The following HRC variants were observed in gnomAD, a reference collection of about 807,000 sequenced individuals.
HRC encodes the protein sarcoplasmic reticulum histidine-rich calcium-binding protein.
In HRC, 41 loss-of-function variants were observed where a neutral mutation model predicts 61.4. The ratio of observed to expected loss-of-function variants is 0.67; its 90% CI spans 0.52 to 0.87. The LOEUF is 0.87. Among genes scored for constraint, HRC ranks in the 40% least tolerant of loss-of-function variants. HRC has a pLI of 0.00. For synonymous variants in HRC, 308 were observed against 326.6 expected (o/e 0.94, Z 0.62); for missense variants, 839 against 885.8 (o/e 0.95, Z 0.67).
chr19:49,154,501 T>A lies in HRC; in HGVS notation c.737A>T (p.Asp246Val). ...PSHRHQGHEE[D>V]DDDDDDDDDD... ...ATCATCATCATCATCATCATCGTCA[T>A]CTTCTTCATGGCCTTGGTGCCTGTG... The change falls in exon 1 of 6, where the codon GAT becomes GTT. Residue 246 changes from aspartate to valine, a missense_variant. Transcript: ENST00000252825. The A allele has an allele frequency of 6.3e-7, 1 of 1,591,166 alleles. No homozygotes were observed. Among genetic ancestry groups the A allele is most frequent in the Non-Finnish European group, 8.6e-7 (1 of 1,163,240 alleles).
At chr19:49,151,932 G>C in intron 4 of HRC, 72 bp downstream of exon 4, 1 of 1,458,718 alleles carries the variant, frequency 6.9e-7, no homozygotes, top group African/African-American at 1.4e-5. Flanking sequence ...GCCAGGCTCC[G>C]CCCCCACCAG....
chr19:49,151,595 G>C, intron 4 of HRC, 42 bp from the exon 5 acceptor site: 1 of 1,597,526 alleles, frequency 6.3e-7, no homozygotes, highest in South Asian at 1.1e-5. Context: ...GGTACTGCAC[G>C]AGCAAAATTA....
chr19:49,151,670 T>G, intron 4 of HRC, 117 bp from the exon 5 acceptor site: 3 of 918,608 alleles, frequency 3.3e-6, no homozygotes, highest in Non-Finnish European at 5.2e-6. Flanking sequence ...TAATTCCTTC[T>G]TCCAACTGAA....
At position 49,154,020 on chromosome 19, in the gene HRC, G is replaced by A; in HGVS notation, c.1218C>T (p.Phe406=). Residue 406 remains phenylalanine, a synonymous_variant, in exon 1 of 6, where the codon TTC becomes TTT. Transcript: ENST00000252825. ...PRGHKSDEED[F]QDEYKTEVPH... Reference sequence around the variant, plus strand: ...GGACTTCTGTTTTATACTCATCTTGGAAGTCCTCTTCATCACTCTTGTGGC... The same window carrying A: ...GGACTTCTGTTTTATACTCATCTTGAAAGTCCTCTTCATCACTCTTGTGGC... 1 of 1,613,984 alleles carries A rather than the reference G, an allele frequency of 6.2e-7. No individual in the cohort carries two copies. Among genetic ancestry groups the A allele is most frequent in the Non-Finnish European group, 8.5e-7 (1 of 1,180,020 alleles).
Position 49,154,759 on chromosome 19 carries a change from T to C in HRC, c.479A>G (p.His160Arg). 2 of 1,614,136 alleles carry C rather than the reference T, an allele frequency of 1.2e-6. No individual in the cohort carries two copies. Among genetic ancestry groups the C allele is most frequent in the Non-Finnish European group, 1.7e-6 (2 of 1,180,010 alleles). ...HHLPSHRSHS[H>R]QDEDEDEVVS... ...AACTTCATCCTCATCCTCGTCTTGA[T>C]GGCTGTGGCTCCTGTGGCTGGGGAG... Residue 160 changes from histidine (H) to arginine (R), a missense_variant, in exon 1 of 6, where the codon CAT (histidine) becomes CGT (arginine). Physicochemically the swap from His to Arg is conservative, Grantham distance 29 (BLOSUM62 0). Transcript: ENST00000252825.
rs777064539 is a variant in HRC, at chr19:49,151,219, G to A, written c.*77C>T. 7.9e-6 allele frequency: 10 copies of A among 1,266,568 alleles called. No homozygotes were observed. The highest frequency in any genetic ancestry group is 1.1e-5 in the Non-Finnish European group (10 of 917,240). 78.5% of individuals were successfully genotyped at this position (1,266,568 alleles called of 1,614,324 possible). On this transcript the variant is annotated 3_prime_UTR_variant, in exon 6 of 6. Coordinates refer to ENST00000252825, the MANE Select transcript of HRC (RefSeq NM_002152.3). ...GAGGTTTCGGGGAGCACGTTTATTC[G>A]GAGAAATAAATATAGCTCGTGGAAA...
chr19:49,154,345 CG>C lies in HRC; in HGVS notation c.892del (p.Arg298GlufsTer77). On this transcript the variant is annotated frameshift_variant, in exon 1 of 6. Transcript: ENST00000252825. LOFTEE classifies it high-confidence loss of function. ...HHHRDPSHRH[R>X]SHEEDDNDDD... Reference sequence around the variant, plus strand: ...ATCATTGTCATCTTCTTCATGGCTTCGGTGCCTGTGGCTGGGGTCGCGATGA... The same window carrying C: ...ATCATTGTCATCTTCTTCATGGCTTCGTGCCTGTGGCTGGGGTCGCGATGA... 1.3e-6 allele frequency: 2 copies of C among 1,582,046 alleles called. No individual in the cohort carries two copies. The highest frequency in any genetic ancestry group is 1.7e-6 in the Non-Finnish European group (2 of 1,171,768).
chr19:49,151,433 A>G, intron 5 of HRC, 84 bp downstream of exon 5: 1 of 1,575,764 alleles, frequency 6.3e-7, no homozygotes. Context: ...GGGGAAATGG[A>G]GTCCCAGAGT....
Position 49,152,016 on chromosome 19 carries a change from C to T in HRC, c.2014G>A (p.Val672Ile), listed in dbSNP as rs111621046. The change falls in exon 4 of 6, where the codon GTC becomes ATC. Residue 672 changes from valine (V) to isoleucine (I), a missense_variant. By Grantham distance (29) the Val-to-Ile change is conservative. Transcript: ENST00000252825. Reference protein sequence around the residue: ...CYLCPLVCETVCAPGSYVDYF... With the variant: ...CYLCPLVCETICAPGSYVDYF... ...CGCCCATGCTCACCTGGAGCGCAGACCGTTTCGCAGACCAGCGGGCAGAGA... is the reference window on the plus strand; with the variant it reads ...CGCCCATGCTCACCTGGAGCGCAGATCGTTTCGCAGACCAGCGGGCAGAGA... The T allele has an allele frequency of 1.0e-3, 1,649 of 1,614,210 alleles. 18 individuals are homozygous for T. In the African/African-American group the frequency reaches 0.019, roughly 19 times the overall value.
rs1568445595 is a variant in HRC, at chr19:49,154,175, C to G, written c.1063G>C (p.Glu355Gln). The change falls in exon 1 of 6, where the codon GAG becomes CAG. Residue 355 changes from glutamate to glutamine, a missense_variant. By Grantham distance (29) the Glu-to-Gln change is conservative. Coordinates refer to ENST00000252825, the MANE Select transcript of HRC (RefSeq NM_002152.3). ...HQGHRDEEED[E>Q]DVSTERWHQG... Reference sequence around the variant, plus strand: ...TGCCAACGTTCAGTGGACACATCCTCATCTTCTTCCTCGTCTCTGTGGCCT... The same window carrying G: ...TGCCAACGTTCAGTGGACACATCCTGATCTTCTTCCTCGTCTCTGTGGCCT... 2 of 1,614,140 alleles carry G rather than the reference C, an allele frequency of 1.2e-6. No homozygotes were observed. The highest frequency in any genetic ancestry group is 2.2e-5 in the East Asian group (1 of 44,884).
intron 2 of HRC, 79 bp from the exon 3 acceptor site, chr19:49,152,457 C>T (rs1178844230): frequency 1.9e-5 from 22 of 1,172,396 alleles, no homozygotes; most frequent in Non-Finnish European, 2.7e-5. Flanking sequence ...ACCCCTGCAC[C>T]CTGGACGCTT....
rs1224683972 is a variant in HRC, at chr19:49,153,646, T to G, written c.1592A>C (p.Asn531Thr). The G allele has an allele frequency of 6.4e-7, 1 of 1,574,094 alleles. No homozygotes were observed. The highest frequency in any genetic ancestry group is 1.7e-5 in the Admixed American group (1 of 59,810). ...GTCTTCCTCTTCTTCCTCCTCCTGG[T>G]TCAGGCTGAGGCCATGACCTTCCTC... Reference protein sequence around the residue: ...DEEEGHGLSLNQEEEEEEDKE... With the variant: ...DEEEGHGLSLTQEEEEEEDKE... Residue 531 changes from asparagine to threonine, a missense_variant, in exon 1 of 6, where the codon AAC (asparagine) becomes ACC (threonine). Asn to Thr is a moderately conservative substitution (Grantham distance 65). Transcript: ENST00000252825. This position sits in a 1 kb window ranked among gnomAD's most constrained non-coding sequence, Gnocchi z 4.8.
In HRC at chr19:49,155,186, C is replaced by T; in HGVS notation, c.52G>A (p.Ala18Thr). Residue 18 changes from alanine to threonine, a missense_variant, in exon 1 of 6, where the codon GCC becomes ACC. Coordinates refer to ENST00000252825, the MANE Select transcript of HRC (RefSeq NM_002152.3). This position sits in a 1 kb window ranked among gnomAD's most constrained non-coding sequence, Gnocchi z 4.7. ...LHASVLWAGVASLLLPPAMTQ... is the reference protein window; with the variant it reads ...LHASVLWAGVTSLLLPPAMTQ... ...ATGGCCGGGGGGAGGAGCAGGCTGGCCACCCCAGCCCAGAGGACAGAAGCG... is the reference window on the plus strand; with the variant it reads ...ATGGCCGGGGGGAGGAGCAGGCTGGTCACCCCAGCCCAGAGGACAGAAGCG... 1.2e-6 allele frequency: 2 copies of T among 1,612,640 alleles called. No individual in the cohort carries two copies.
rs143247084 is a variant in HRC, at chr19:49,154,312, T to A, written c.926A>T (p.Asp309Val). The change falls in exon 1 of 6, where the codon GAT (aspartate) becomes GTT (valine). Residue 309 changes from aspartate to valine, a missense_variant. Transcript: ENST00000252825. Reference sequence around the variant, plus strand: ...CTGGTGTCCATACTCAGTGGAGACATCATCATCATCATTGTCATCTTCTTC... The same window carrying A: ...CTGGTGTCCATACTCAGTGGAGACAACATCATCATCATTGTCATCTTCTTC... Reference protein sequence around the residue: ...SHEEDDNDDDDVSTEYGHQAH... With the variant: ...SHEEDDNDDDVVSTEYGHQAH... The A allele has an allele frequency of 1.5e-4, 237 of 1,612,184 alleles. 1 individual carries two copies. In the East Asian group the frequency reaches 4.5e-3, roughly 31 times the overall value.
At position 49,154,632 on chromosome 19, in the gene HRC, T is replaced by TCC; in HGVS notation, c.605_606insGG (p.Glu204ArgfsTer172). 1 of 1,579,330 alleles carries TCC rather than the reference T, an allele frequency of 6.3e-7. No homozygotes were observed. The highest frequency in any genetic ancestry group is 8.7e-7 in the Non-Finnish European group (1 of 1,154,974). On this transcript the variant is annotated frameshift_variant, in exon 1 of 6. Coordinates refer to ENST00000252825, the MANE Select transcript of HRC (RefSeq NM_002152.3). LOFTEE classifies it high-confidence loss of function. ...GTCCATACTCAGTGGAGGCCTCCTC[T>TCC]TCCTCCTCCTCCTCCTCCTCCTCCT...
In HRC at chr19:49,153,379, C is replaced by T; in HGVS notation, c.1831+28G>A. On this transcript the variant is annotated intron_variant, in intron 1 of 5. Transcript: ENST00000252825. The surrounding 1 kb of genome is among the most constrained non-coding windows in gnomAD (Gnocchi z 4.8). ...GTGACCCAGGCTGACTCGGTTCCTT[C>T]CCACCCACACCAGCCCAGGCCACTT... 6.2e-7 allele frequency: 1 copy of T among 1,612,430 alleles called. No individual in the cohort carries two copies. The highest frequency in any genetic ancestry group is 8.5e-7 in the Non-Finnish European group (1 of 1,178,496).
rs769960990 is a variant in HRC, at chr19:49,152,393, A to G, written c.1903-15T>C. On this transcript the variant is annotated splice_polypyrimidine_tract_variant and intron_variant, in intron 2 of 5. Transcript: ENST00000252825. ...TCAGTGCATCGCTGGGGACCGGGGG[A>G]GCCTGGTTAGATGGAAACTCTAACG... 3 of 1,610,844 alleles carry G rather than the reference A, an allele frequency of 1.9e-6. No individual in the cohort carries two copies. Among genetic ancestry groups the G allele is most frequent in the Non-Finnish European group, 2.5e-6 (3 of 1,178,660 alleles).
chr19:49,155,211 G>C lies in HRC; in HGVS notation c.27C>G (p.His9Gln), dbSNP rs765338813. 8 of 1,609,460 alleles carry C rather than the reference G, an allele frequency of 5.0e-6. No homozygotes were observed. The highest frequency in any genetic ancestry group is 1.7e-5 in the Admixed American group (1 of 59,844). ...CCACCCCAGCCCAGAGGACAGAAGC[G>C]TGCAGCCATGGCCTATGGTGGCCCA... The part of the protein sequence containing the change: MGHHRPWL[H>Q]ASVLWAGVAS... The change falls in exon 1 of 6, where the codon CAC (histidine) becomes CAG (glutamine). Residue 9 changes from histidine to glutamine, a missense_variant. His to Gln is a conservative substitution (Grantham distance 24). Transcript: ENST00000252825. The surrounding 1 kb of genome is among the most constrained non-coding windows in gnomAD (Gnocchi z 4.7).
rs561843263 is a variant in HRC at position 49,154,779 on chromosome 19, G to C, written c.459C>G (p.Pro153=). The C allele has an allele frequency of 6.2e-6, 10 of 1,614,100 alleles. No individual in the cohort carries two copies. The highest frequency in any genetic ancestry group is 4.0e-5 in the African/African-American group (3 of 75,014). Residue 153 remains proline (P), a synonymous_variant, in exon 1 of 6, where the codon CCC becomes CCG. Coordinates refer to ENST00000252825, the MANE Select transcript of HRC (RefSeq NM_002152.3). The part of the protein sequence containing the change: ...EDSAEHRHHL[P]SHRSHSHQDE... Reference sequence around the variant, plus strand: ...CTTGATGGCTGTGGCTCCTGTGGCTGGGGAGGTGGTGCCTGTGCTCAGCTG... The same window carrying C: ...CTTGATGGCTGTGGCTCCTGTGGCTCGGGAGGTGGTGCCTGTGCTCAGCTG...
Sources: gnomAD v4.1 joint callset for allele counts on GRCh38, gnomAD v4.1.1 for gene constraint, Gnocchi (gnomAD v3.1) non-coding constraint, MANE v1.5 for transcripts, NCBI Gene and HGNC (gene_info 2026-07-23, HGNC 2026-07-21) for gene names.